The following SMAD1 variants were observed in gnomAD, a reference collection of about 807,000 sequenced individuals.
The protein encoded by SMAD1 is MAD, mothers against decapentaplegic homolog 1.
Under a neutral mutation model 41.6 loss-of-function variants are expected in SMAD1, and 6 were observed. That is an observed-to-expected ratio of 0.14 (90% CI 0.08 to 0.28). The LOEUF is 0.28. Ranked by LOEUF, SMAD1 falls within the 10% of genes least tolerant of loss-of-function variation. SMAD1 has a pLI of 1.00. For synonymous variants in SMAD1, 206 were observed against 203.2 expected, an observed-to-expected ratio of 1.01 and a Z score of -0.12; for missense variants, 379 against 582.6, an observed-to-expected ratio of 0.65 and a Z score of 3.60.
chr4:145,522,593 C>CT (rs1553946887), intron 2 of SMAD1, among the ~76,000 whole-genome samples: 2 of 152,082 alleles, frequency 1.3e-5, no homozygotes, highest in Non-Finnish European at 2.9e-5. Flanking sequence ...AAGCAAAACT[C>CT]TGTCTCCAAA....
At chr4:145,537,436 G>A (rs926409829) in intron 2 of SMAD1, among the ~76,000 whole-genome samples, 1 of 151,952 alleles carries the variant, frequency 6.6e-6, no homozygotes. Flanking sequence ...CTGGGTAAAG[G>A]GTATTTGAGT....
rs562124011 is a variant in SMAD1 at position 145,500,059 on chromosome 4, T to A, written c.-176-14379T>A. On this transcript the variant is annotated intron_variant, in intron 1 of 6. Coordinates refer to ENST00000302085, the MANE Select transcript of SMAD1 (RefSeq NM_005900.3). ...TAAGCAGTAAAGTATTATTTGTTCA[T>A]GTCTGTACTTTGAGAATATATCCAG... 2.6e-5 allele frequency among the ~76,000 whole-genome samples: 4 copies of A among 152,354 alleles called. No homozygotes were observed. In the South Asian group the frequency reaches 6.2e-4, roughly 24 times the overall value.
intron 1 of SMAD1, chr4:145,497,148 A>G (rs1729125196): frequency 2.0e-5 from 3 of 152,234 alleles, no homozygotes; most frequent in African/African-American, 4.8e-5. Context: ...AGCTTTGATG[A>G]ATCATAATAC....
intron 5 of SMAD1, among the ~76,000 whole-genome samples, chr4:145,548,956 A>G (rs1732403894): frequency 6.6e-6 from 1 of 152,176 alleles, no homozygotes; most frequent in African/African-American, 2.4e-5. Context: ...ATACCCTGAG[A>G]AGGCCATAAC....
intron 4 of SMAD1, 64 bp from the exon 5 acceptor site, chr4:145,546,639 C>T (rs963977788): frequency 1.9e-5 from 22 of 1,139,330 alleles, no homozygotes; most frequent in Middle Eastern, 2.8e-4. Flanking sequence ...TTCAACAACA[C>T]GGTTTCAGTT....
chr4:145,549,538 C>A (rs984545149), intron 5 of SMAD1, among the ~76,000 whole-genome samples: 3 of 152,154 alleles, frequency 2.0e-5, no homozygotes, highest in Non-Finnish European at 4.4e-5. Flanking sequence ...TAAATTGTCA[C>A]AATAGATGCA....
chr4:145,480,906 T>C (rs1050861772), upstream of SMAD1, among the ~76,000 whole-genome samples: 1 of 144,164 alleles, frequency 6.9e-6, no homozygotes, highest in Non-Finnish European at 1.5e-5. Flanking sequence ...TGATATACAT[T>C]GCTGGGAGTG....
At chr4:145,515,787 G>A (rs1340934374) in intron 2 of SMAD1, among the ~76,000 whole-genome samples, 1 of 152,142 alleles carries the variant, frequency 6.6e-6, no homozygotes, top group Non-Finnish European at 1.5e-5. Context: ...GACCAATTTT[G>A]TTGATGGATT....
intron 1 of SMAD1, among the ~76,000 whole-genome samples, chr4:145,483,617 C>T (rs2126923529): frequency 6.6e-6 from 1 of 152,238 alleles, no homozygotes; most frequent in African/African-American, 2.4e-5. Flanking sequence ...TTTGTTCTGC[C>T]CTCTCCCACT....
At chr4:145,511,669 A>G (rs1260864680) in intron 1 of SMAD1, among the ~76,000 whole-genome samples, 1 of 152,256 alleles carries the variant, frequency 6.6e-6, no homozygotes. Context: ...CTGTACTAAT[A>G]GTAAATTATA....
intron 1 of SMAD1, among the ~76,000 whole-genome samples, chr4:145,494,021 G>T (rs1023041543): frequency 2.0e-5 from 3 of 152,134 alleles, no homozygotes; most frequent in Non-Finnish European, 4.4e-5. Context: ...GAGTGCAGTG[G>T]CGTGATCTTG....
At chr4:145,492,262 C>A (rs1728808313) in intron 1 of SMAD1, among the ~76,000 whole-genome samples, 1 of 152,162 alleles carries the variant, frequency 6.6e-6, no homozygotes, top group Admixed American at 6.5e-5. Context: ...TCAGATCCCA[C>A]AGATTGAAGG....
intron 2 of SMAD1, among the ~76,000 whole-genome samples, chr4:145,537,013 G>A (rs1486586727): frequency 2.0e-5 from 3 of 152,150 alleles, no homozygotes; most frequent in South Asian, 2.1e-4. Flanking sequence ...ATAACTGCCT[G>A]TATTCAAAAA....
chr4:145,508,959 G>C (rs1392843025), intron 1 of SMAD1, among the ~76,000 whole-genome samples: 2 of 152,134 alleles, frequency 1.3e-5, no homozygotes, highest in African/African-American at 2.4e-5. Flanking sequence ...GTCACCTTTG[G>C]GGTTAGGATT....
At chr4:145,529,683 C>A (rs982623872) in intron 2 of SMAD1, among the ~76,000 whole-genome samples, 1 of 152,142 alleles carries the variant, frequency 6.6e-6, no homozygotes, top group Non-Finnish European at 1.5e-5. Flanking sequence ...AGAATCAGGA[C>A]CAATACTGTG....
intron 1 of SMAD1, among the ~76,000 whole-genome samples, chr4:145,498,245 C>T (rs552646574): frequency 6.6e-6 from 1 of 152,142 alleles, no homozygotes; most frequent in South Asian, 2.1e-4. Context: ...TATAATATGC[C>T]ATTTTTTGAA....
At chr4:145,480,976 T>A (rs2126918008), upstream of SMAD1, among the ~76,000 whole-genome samples, 1 of 152,200 alleles carries the variant, frequency 6.6e-6, no homozygotes, top group African/African-American at 2.4e-5. Context: ...AAATCATTTT[T>A]TCTAAACGTA....
At chr4:145,484,117 A>T (rs1213019423) in intron 1 of SMAD1, among the ~76,000 whole-genome samples, 1 of 152,240 alleles carries the variant, frequency 6.6e-6, no homozygotes, top group East Asian at 1.9e-4. Context: ...TAAATATTAA[A>T]TCTAATAACC....
chr4:145,502,614 A>G (rs1055980005), intron 1 of SMAD1, among the ~76,000 whole-genome samples: 3 of 152,222 alleles, frequency 2.0e-5, no homozygotes, highest in African/African-American at 7.2e-5. Context: ...ACTCTTTTTA[A>G]AGAATTTTCT....
Sources: allele counts gnomAD v4.1 joint callset (sites outside exome capture counted in the v4.1 genomes callset), GRCh38; gene constraint gnomAD v4.1.1; transcripts MANE v1.5; gene names NCBI Gene and HGNC (gene_info 2026-07-23, HGNC 2026-07-21).